Variants in ATCAY observed in about 807,000 individuals in gnomAD.
The protein encoded by ATCAY is ATCAY kinesin light chain interacting caytaxin.
In ATCAY, 22 loss-of-function variants were observed where a neutral mutation model predicts 47.7. That is an observed-to-expected ratio of 0.46 (90% confidence interval 0.33 to 0.66). ATCAY has a LOEUF of 0.66. Ranked by LOEUF, ATCAY falls within the 30% of genes least tolerant of loss-of-function variation. ATCAY has a pLI of 0.02. For synonymous variants in ATCAY, 216 were observed against 207.6 expected, an observed-to-expected ratio of 1.04 and a Z score of -0.35; for missense variants, 452 against 515.0, an observed-to-expected ratio of 0.88 and a Z score of 1.18.
chr19:3,908,176 G>T lies in ATCAY; in HGVS notation c.545-92G>T. On this transcript the variant is annotated intron_variant, in intron 5 of 12. Transcript: ENST00000450849. The stretch of plus-strand genomic sequence containing the variant: ...GGCTCGGAGCCATGCCCTCCCGAGC[G>T]TGTGGGCACCGGGACGTGGTGGGTG... The T allele has an allele frequency of 5.9e-6, 7 of 1,183,890 alleles. No individual in the cohort carries two copies. In the Admixed American group the frequency reaches 1.2e-4, roughly 21 times the overall value. 73.3% of individuals were successfully genotyped at this position (1,183,890 alleles called of 1,614,324 possible).
chr19:3,913,899 C>G (rs374216172), intron 9 of ATCAY, 43 bp downstream of exon 9: 3 of 1,549,028 alleles, frequency 1.9e-6, no homozygotes, highest in African/African-American at 1.4e-5. Flanking sequence ...AGTCTGTTTT[C>G]GTGCTGCTGA....
chr19:3,908,123 G>C, intron 5 of ATCAY, 145 bp from the exon 6 acceptor site: 1 of 991,956 alleles, frequency 1.0e-6, no homozygotes, highest in Non-Finnish European at 1.5e-6. Flanking sequence ...CGAAGGCAGA[G>C]ACTGGCTAAG....
intron 1 of ATCAY, among the ~76,000 whole-genome samples, chr19:3,881,866 G>GCCCCCCCCCCCC (rs34938220): frequency 8.5e-6 from 1 of 117,612 alleles, no homozygotes; most frequent in African/African-American, 3.6e-5. Flanking sequence ...TGCTGCCACC[G>GCCCCCCCCCCCC]CCCCCCCCCC....
chr19:3,885,841 C>G lies in ATCAY; in HGVS notation c.74C>G (p.Pro25Arg). Reference sequence around the variant, plus strand: ...GAGGAATGGCAGGACGAAGATCTTCCCAGGTAGGACTTCCACATCCCTGAG... The same window carrying G: ...GAGGAATGGCAGGACGAAGATCTTCGCAGGTAGGACTTCCACATCCCTGAG... Reference protein sequence around the residue: ...VKEEWQDEDLPRPLPEETGVE... With the variant: ...VKEEWQDEDLRRPLPEETGVE... Residue 25 changes from proline to arginine, a missense_variant, in exon 2 of 13, where the codon CCC becomes CGC. Coordinates refer to ENST00000450849, the MANE Select transcript of ATCAY (RefSeq NM_033064.5). 1 of 1,551,932 alleles carries G rather than the reference C, an allele frequency of 6.4e-7. No homozygotes were observed. Among genetic ancestry groups the G allele is most frequent in the Non-Finnish European group, 8.7e-7 (1 of 1,147,634 alleles).
At chr19:3,913,968 G>A (rs2038944386) in intron 9 of ATCAY, 112 bp downstream of exon 9, 14 of 897,072 alleles carry the variant, frequency 1.6e-5, no homozygotes, top group Non-Finnish European at 2.3e-5. Flanking sequence ...CGGGCGCGGT[G>A]GCTCCTGCCT....
rs36107570 is a variant in ATCAY at position 3,912,886 on chromosome 19, T to TAAA, written c.867-864_867-862dup. Among the ~76,000 whole-genome samples, 316 of 145,654 alleles carry TAAA rather than the reference T, an allele frequency of 2.2e-3. 5 individuals are homozygous for TAAA. Among genetic ancestry groups the TAAA allele is most frequent in the African/African-American group, 7.0e-3 (278 of 39,454 alleles). On this transcript the variant is annotated intron_variant, in intron 8 of 12. Transcript: ENST00000450849. ...GGTGACAGAGTGAGACTCTGTCTCTTAAAAAAAAAATACCATGAAGTGCTG... is the reference window on the plus strand; with the variant it reads ...GGTGACAGAGTGAGACTCTGTCTCTTAAAAAAAAAAAAATACCATGAAGTGCTG...
At chr19:3,915,050 A>AT (rs1182649689) in intron 9 of ATCAY, among the ~76,000 whole-genome samples, 1 of 152,160 alleles carries the variant, frequency 6.6e-6, no homozygotes, top group Admixed American at 6.6e-5. Context: ...ACTGAATGTC[A>AT]TATCATCGGC....
chr19:3,919,691 G>A (rs1401918285), intron 11 of ATCAY, among the ~76,000 whole-genome samples: 3 of 151,762 alleles, frequency 2.0e-5, no homozygotes, highest in African/African-American at 4.8e-5. Context: ...GAGCCCAGGA[G>A]GTCAAGGCTA....
At position 3,895,716 on chromosome 19, in the gene ATCAY, CT is replaced by C. The variant is rs537910730; in HGVS notation, c.78-6753del. 9.7e-3 allele frequency among the ~76,000 whole-genome samples: 1,257 copies of C among 129,632 alleles called. 3 individuals carry two copies. Among genetic ancestry groups the C allele is most frequent in the African/African-American group, 0.029 (1,021 of 35,530 alleles). The allele number at this position is 129,632 out of a possible 152,430, so 85.0% of individuals were successfully genotyped here. On this transcript the variant is annotated intron_variant, in intron 2 of 12. Transcript: ENST00000450849. ...TTTCTTTTTTTCTTTCTTTTCTTTTCTTTTTTTTTTTTTTTTTTGATAGACT... is the reference window on the plus strand; with the variant it reads ...TTTCTTTTTTTCTTTCTTTTCTTTTCTTTTTTTTTTTTTTTTTGATAGACT...
rs2038593216 is a variant in ATCAY, at chr19:3,880,988, G to C, written c.-62G>C. On this transcript the variant is annotated 5_prime_UTR_variant, in exon 1 of 13. Transcript: ENST00000450849. ...CGCCTTTGTTTGCCAGTAAGGAGGA[G>C]AGGCTGTCTCAGCTGCAGAGGTGAG... is the stretch of plus-strand genomic sequence containing the variant. The C allele has an allele frequency of 6.6e-6, 1 of 152,266 alleles. No individual in the cohort carries two copies. The highest frequency in any genetic ancestry group is 1.5e-5 in the Non-Finnish European group (1 of 68,074). The allele number at this position is 152,266 out of a possible 1,614,324, so 9.4% of individuals were successfully genotyped here.
chr19:3,920,819 T>C, intron 12 of ATCAY, 21 bp downstream of exon 12: 3 of 1,613,226 alleles, frequency 1.9e-6, no homozygotes, highest in Non-Finnish European at 2.5e-6. Context: ...TGCAGAGTGG[T>C]CTTCGTGCTG....
intron 12 of ATCAY, among the ~76,000 whole-genome samples, chr19:3,923,528 T>C (rs1221290285): frequency 6.7e-6 from 1 of 149,964 alleles, no homozygotes; most frequent in South Asian, 2.1e-4. Context: ...GATGGGAGGA[T>C]AGATGGATGA....
intron 2 of ATCAY, among the ~76,000 whole-genome samples, chr19:3,886,193 A>G (rs1279771515): frequency 2.0e-5 from 3 of 152,192 alleles, no homozygotes; most frequent in African/African-American, 7.2e-5. Context: ...TCACGCCTGT[A>G]ATCCCAGCAC....
rs1160824143 is a variant in ATCAY at position 3,926,168 on chromosome 19, T to C, written c.*1576T>C. 2 of 151,626 alleles carry C rather than the reference T, an allele frequency of 1.3e-5. No homozygotes were observed. The highest frequency in any genetic ancestry group is 4.9e-5 in the African/African-American group (2 of 41,206). 9.4% of individuals were successfully genotyped at this position (151,626 alleles called of 1,614,324 possible). A position where few individuals can be genotyped will look rare whatever the true frequency, so the allele number is the denominator to read the frequency against. On this transcript the variant is annotated 3_prime_UTR_variant, in exon 13 of 13. Transcript: ENST00000450849. ...TAAAAATACAAAAATTAGCCGGGCATGGTGGTGCATGCCTGTAATCCCAGC... is the reference window on the plus strand; with the variant it reads ...TAAAAATACAAAAATTAGCCGGGCACGGTGGTGCATGCCTGTAATCCCAGC...
At chr19:3,917,584 C>CAAAAAAAAAAAAAA (rs71166940) in intron 9 of ATCAY, among the ~76,000 whole-genome samples, 158 bp from the exon 10 acceptor site, 4 of 40,836 alleles carry the variant, frequency 9.8e-5, no homozygotes, top group Admixed American at 3.6e-4. Context: ...GACTCCATCT[C>CAAAAAAAAAAAAAA]AAAAAAAAAA....
chr19:3,893,052 G>A (rs2038731994), intron 2 of ATCAY, among the ~76,000 whole-genome samples: 1 of 148,318 alleles, frequency 6.7e-6, no homozygotes, highest in Non-Finnish European at 1.5e-5. Context: ...TGTGTTTACT[G>A]GGGTATGTGT....
intron 6 of ATCAY, among the ~76,000 whole-genome samples, chr19:3,909,197 A>G (rs974226544): frequency 2.2e-5 from 3 of 138,220 alleles, no homozygotes; most frequent in African/African-American, 8.0e-5. Context: ...AGATCGCACC[A>G]CTGCACTCTA....
In ATCAY at chr19:3,920,773, C is replaced by G; in HGVS notation, c.1081C>G (p.Leu361Val). 4 of 1,613,788 alleles carry G rather than the reference C, an allele frequency of 2.5e-6. No individual in the cohort carries two copies. The highest frequency in any genetic ancestry group is 2.5e-6 in the Non-Finnish European group (3 of 1,179,768). ...TCCGTCTCTCCTCCACAGGTCTGCT[C>G]TGGTCTCAGAAGATCAGGAAACAAG... ...EVAPVENRSA[L>V]VSEDQETSMS Residue 361 changes from leucine (L) to valine (V), a missense_variant, in exon 12 of 13, where the codon CTG (leucine) becomes GTG (valine). By Grantham distance (32) the Leu-to-Val change is conservative. Coordinates refer to ENST00000450849, the MANE Select transcript of ATCAY (RefSeq NM_033064.5).
rs2038592484 is a variant in ATCAY, at chr19:3,880,931, T to A, written c.-119T>A. 6.6e-6 allele frequency: 1 copy of A among 152,196 alleles called. No individual in the cohort carries two copies. Among genetic ancestry groups the A allele is most frequent in the Non-Finnish European group, 1.5e-5 (1 of 68,044 alleles). The allele number at this position is 152,196 out of a possible 1,614,324, so 9.4% of individuals were successfully genotyped here. A position where few individuals can be genotyped will look rare whatever the true frequency, so the allele number is the denominator to read the frequency against. On this transcript the variant is annotated 5_prime_UTR_variant, in exon 1 of 13. Coordinates refer to ENST00000450849, the MANE Select transcript of ATCAY (RefSeq NM_033064.5). ...CTAGGCTCTGAAGGCCCGGGGAGCG[T>A]GAGCGATGCCCAGCTGCACCCGGGC...
Sources: gnomAD v4.1 joint callset for allele counts (sites outside exome capture counted in the v4.1 genomes callset) on GRCh38, gnomAD v4.1.1 for gene constraint, MANE v1.5 for transcripts, NCBI Gene and HGNC (gene_info 2026-07-23, HGNC 2026-07-21) for gene names.